SANBR: variants seen among roughly 807,000 people sequenced by gnomAD.
The protein encoded by SANBR is SANT and BTB domain regulator of class switch recombination.
SANBR carries 77 observed loss-of-function variants against 101.8 expected under a neutral mutation model. The ratio of observed to expected loss-of-function variants is 0.76; its 90% CI spans 0.63 to 0.91. The LOEUF (loss-of-function observed/expected upper bound fraction) is 0.91. SANBR is among the 40% of genes least tolerant of loss of function. SANBR has a pLI of 0.00. For missense variants in SANBR, 875 were observed against 853.0 expected (o/e 1.03, Z -0.32); for synonymous variants, 279 against 274.7 (o/e 1.02, Z -0.15).
At chr2:61,076,559 C>T (rs561643571) in intron 5 of SANBR, among the ~76,000 whole-genome samples, 26 of 147,258 alleles carry the variant, frequency 1.8e-4, no homozygotes, top group Middle Eastern at 3.5e-3. Flanking sequence ...ACCCGGGAGG[C>T]GGAGCTTACA....
At position 61,103,969 on chromosome 2, in the gene SANBR, T is replaced by C. The variant is rs1202223374; in HGVS notation, c.1482T>C (p.Ile494=). 2 of 1,614,040 alleles carry C rather than the reference T, an allele frequency of 1.2e-6. No individual in the cohort carries two copies. Among genetic ancestry groups the C allele is most frequent in the Non-Finnish European group, 1.7e-6 (2 of 1,179,994 alleles). Residue 494 remains isoleucine, a synonymous_variant, in exon 13 of 22, where the codon ATT becomes ATC. Transcript: ENST00000402291. ...LDDLHKYRDV[I]VVPFSKDTVS... ...ATTTGCACAAGTACAGAGATGTCAT[T>C]GTTGTGCCTTTTTCAAAAGATACAG...
chr2:61,100,504 T>G (rs1683231856), intron 12 of SANBR, among the ~76,000 whole-genome samples: 1 of 152,084 alleles, frequency 6.6e-6, no homozygotes, highest in South Asian at 2.1e-4. Flanking sequence ...CACGGTAGGG[T>G]GGGATCTTAA....
chr2:61,071,621 G>A lies in SANBR; in HGVS notation c.166G>A (p.Asp56Asn), dbSNP rs748255914. 6.4e-7 allele frequency: 1 copy of A among 1,554,110 alleles called. No individual in the cohort carries two copies. The highest frequency in any genetic ancestry group is 8.6e-7 in the Non-Finnish European group (1 of 1,157,992). Residue 56 changes from aspartate (D) to asparagine (N), a missense_variant, in exon 4 of 22, where the codon GAT becomes AAT. Transcript: ENST00000402291. ...ATTATGACAGTGTGCAAAAAGGTTT[G>A]ATGAATTAAAGAGCAGTGGAAGCTC... is the stretch of plus-strand genomic sequence containing the variant. ...LTPKECAKRF[D>N]ELKSSGSSPV...
intron 4 of SANBR, among the ~76,000 whole-genome samples, chr2:61,072,404 T>C (rs952029072): frequency 5.3e-5 from 8 of 151,838 alleles, no homozygotes; most frequent in African/African-American, 1.9e-4. Flanking sequence ...AGACCCTGTC[T>C]CTACAAAAAA....
At chr2:61,067,227 CT>C (rs1030445961) in intron 1 of SANBR, among the ~76,000 whole-genome samples, 42 of 152,182 alleles carry the variant, frequency 2.8e-4, no homozygotes, top group African/African-American at 9.7e-4. Flanking sequence ...AACAGAAAAA[CT>C]TTTTTCTCAT....
intron 15 of SANBR, among the ~76,000 whole-genome samples, chr2:61,108,913 C>T (rs950315696): frequency 6.6e-6 from 1 of 152,132 alleles, no homozygotes; most frequent in African/African-American, 2.4e-5. Context: ...AAGGAATATA[C>T]ATTTACTTGA....
chr2:61,137,334 T>C (rs115843724), intron 21 of SANBR: 89 of 152,332 alleles, frequency 5.8e-4, no homozygotes, highest in African/African-American at 2.1e-3. Context: ...TTAGTAAATA[T>C]TTTTAAGTTG....
intron 5 of SANBR, chr2:61,074,950 C>T (rs1045192984): frequency 1.3e-4 from 19 of 151,238 alleles, no homozygotes; most frequent in African/African-American, 4.6e-4. Flanking sequence ...TTTCTGGTAG[C>T]CCAATTTTAT....
intron 16 of SANBR, 55 bp downstream of exon 16, chr2:61,109,351 T>G: frequency 2.0e-6 from 2 of 1,016,680 alleles, no homozygotes; most frequent in Non-Finnish European, 2.9e-6. Context: ...GGTTACATTC[T>G]GAAGCCTTTA....
intron 20 of SANBR, among the ~76,000 whole-genome samples, chr2:61,130,137 C>CT (rs1162396398): frequency 6.6e-6 from 1 of 151,960 alleles, no homozygotes; most frequent in Non-Finnish European, 1.5e-5. Context: ...TCCTCTTTTA[C>CT]TTTCTTTTGC....
intron 21 of SANBR, among the ~76,000 whole-genome samples, chr2:61,135,331 A>G (rs763079965): frequency 6.6e-6 from 1 of 152,256 alleles, no homozygotes; most frequent in African/African-American, 2.4e-5. Context: ...GATTAGTCAT[A>G]TAATACCATA....
intron 16 of SANBR, among the ~76,000 whole-genome samples, chr2:61,110,098 A>G (rs148694687): frequency 6.2e-4 from 95 of 152,336 alleles, no homozygotes; most frequent in African/African-American, 2.0e-3. Context: ...GTTTTGTCAC[A>G]ATAATTTACC....
At chr2:61,110,817 C>T (rs1328000300) in intron 16 of SANBR, among the ~76,000 whole-genome samples, 1 of 151,528 alleles carries the variant, frequency 6.6e-6, no homozygotes, top group Non-Finnish European at 1.5e-5. Context: ...CATTGCACTC[C>T]AGCCTGGGCA....
intron 8 of SANBR, among the ~76,000 whole-genome samples, chr2:61,083,645 A>G (rs1001634259): frequency 6.6e-6 from 1 of 152,082 alleles, no homozygotes; most frequent in Middle Eastern, 3.4e-3. Flanking sequence ...CGAGGCGGGC[A>G]GATCACGAGG....
chr2:61,095,322 G>C (rs1573626082), intron 11 of SANBR, among the ~76,000 whole-genome samples: 1 of 151,346 alleles, frequency 6.6e-6, no homozygotes, highest in South Asian at 2.1e-4. Flanking sequence ...CTCATAAAAT[G>C]GTTTGTATGC....
At position 61,077,094 on chromosome 2, in the gene SANBR, C is replaced by G; in HGVS notation, c.606C>G (p.Asn202Lys). 3.7e-6 allele frequency: 6 copies of G among 1,614,064 alleles called. No individual in the cohort carries two copies. Among genetic ancestry groups the G allele is most frequent in the Non-Finnish European group, 5.1e-6 (6 of 1,179,964 alleles). The change falls in exon 6 of 22, where the codon AAC becomes AAG. Residue 202 changes from asparagine to lysine, a missense_variant. Coordinates refer to ENST00000402291, the MANE Select transcript of SANBR (RefSeq NM_001129993.3). ...ISVHCDVHIF[N>K]WLIKYIKRNT... ...TTCATTGCGACGTTCACATTTTCAACTGGTTGATAAAATACATTAAAAGGA... is the reference window on the plus strand; with the variant it reads ...TTCATTGCGACGTTCACATTTTCAAGTGGTTGATAAAATACATTAAAAGGA...
chr2:61,091,439 CA>C (rs560753583), intron 10 of SANBR, among the ~76,000 whole-genome samples: 195 of 151,964 alleles, frequency 1.3e-3, no homozygotes, highest in African/African-American at 4.6e-3. Flanking sequence ...TAAAAAAATA[CA>C]AAAATTAGCC....
intron 17 of SANBR, 105 bp downstream of exon 17, chr2:61,116,175 A>G (rs1256827067): frequency 1.1e-5 from 8 of 749,712 alleles, no homozygotes; most frequent in Middle Eastern, 2.5e-4. Flanking sequence ...AATGCTAGCA[A>G]TGTAAAAATG....
At chr2:61,109,391 A>G (rs893296432) in intron 16 of SANBR, 95 bp downstream of exon 16, 1 of 618,470 alleles carries the variant, frequency 1.6e-6, no homozygotes, top group Non-Finnish European at 2.7e-6. Context: ...GGTTTTATAT[A>G]GAGAGTAGGT....
Sources: allele counts gnomAD v4.1 joint callset (sites outside exome capture counted in the v4.1 genomes callset), GRCh38; gene constraint gnomAD v4.1.1; transcripts MANE v1.5; gene names NCBI Gene and HGNC (gene_info 2026-07-23, HGNC 2026-07-21).